Variants in SLC24A2 observed in about 807,000 individuals in gnomAD.
SLC24A2 encodes solute carrier family 24 member 2.
Under a neutral mutation model 62.0 loss-of-function variants are expected in SLC24A2, and 36 were observed. The ratio of observed to expected loss-of-function variants is 0.58; its 90% CI spans 0.44 to 0.77. SLC24A2 has a LOEUF of 0.77. Ranked by LOEUF, SLC24A2 falls within the 30% of genes least tolerant of loss-of-function variation. The pLI is 0.00. For synonymous variants in SLC24A2, 358 were observed against 294.0 expected, an observed-to-expected ratio of 1.22 and a Z score of -2.23; for missense variants, 846 against 817.9, an observed-to-expected ratio of 1.03 and a Z score of -0.42.
chr9:19,720,623 T>A (rs997544385), intron 2 of SLC24A2, among the ~76,000 whole-genome samples: 4 of 151,634 alleles, frequency 2.6e-5, no homozygotes, highest in African/African-American at 9.7e-5. Context: ...AATGCTGGAG[T>A]CTTGGAGTCT....
At chr9:20,143,100 T>A in the SLC24A2 span, among the ~76,000 whole-genome samples, 1 of 152,214 alleles carries the variant, frequency 6.6e-6, no homozygotes, top group Non-Finnish European at 1.5e-5. Flanking sequence ...GTCTGCTGAT[T>A]CTAAAAATCT....
chr9:19,918,543 C>T, the SLC24A2 span, among the ~76,000 whole-genome samples: 106 of 152,230 alleles, frequency 7.0e-4, no homozygotes, highest in African/African-American at 2.4e-3. Flanking sequence ...CACCACTTCT[C>T]CCCCATGTCA....
the SLC24A2 span, among the ~76,000 whole-genome samples, chr9:19,799,898 C>A: frequency 6.6e-6 from 1 of 152,110 alleles, no homozygotes; most frequent in Non-Finnish European, 1.5e-5. Flanking sequence ...GAAATTTATT[C>A]CCTCACAGTT....
At chr9:19,784,364 A>G (rs1341216323) in intron 2 of SLC24A2, among the ~76,000 whole-genome samples, 10 of 152,238 alleles carry the variant, frequency 6.6e-5, no homozygotes, top group Admixed American at 6.5e-4. Context: ...TGTTGCCAAT[A>G]TAACATTCAG....
intron 7 of SLC24A2, among the ~76,000 whole-genome samples, chr9:19,551,951 T>G (rs1050766235): frequency 6.6e-6 from 1 of 152,206 alleles, no homozygotes; most frequent in African/African-American, 2.4e-5. Flanking sequence ...GTTCTTCTGC[T>G]TTGGGTATAT....
At chr9:20,019,131 AAGAAAGAAAGAAAG>A in the SLC24A2 span, among the ~76,000 whole-genome samples, 1 of 123,784 alleles carries the variant, frequency 8.1e-6, no homozygotes, top group African/African-American at 3.9e-5. Context: ...GAAAGAAAGA[AAGAAAGAAAGAAAG>A]AAAGAAAGAA....
chr9:19,956,050 C>T, the SLC24A2 span, among the ~76,000 whole-genome samples: 1 of 152,198 alleles, frequency 6.6e-6, no homozygotes. Flanking sequence ...ACATTAAGAA[C>T]TGGCTGCAGG....
the SLC24A2 span, among the ~76,000 whole-genome samples, chr9:20,197,290 C>T: frequency 6.6e-6 from 1 of 152,120 alleles, no homozygotes; most frequent in African/African-American, 2.4e-5. Context: ...TGTATATTCT[C>T]ACAATAGGAA....
chr9:20,123,559 T>C, the SLC24A2 span, among the ~76,000 whole-genome samples: 121 of 152,294 alleles, frequency 7.9e-4, no homozygotes, highest in Middle Eastern at 3.4e-3. Context: ...CTTATATGAA[T>C]GAGACTTTGA....
At chr9:20,190,792 T>C in the SLC24A2 span, among the ~76,000 whole-genome samples, 1 of 152,232 alleles carries the variant, frequency 6.6e-6, no homozygotes, top group African/African-American at 2.4e-5. Context: ...TTGTATGACT[T>C]CGGGAAAATT....
chr9:19,726,816 G>A (rs1053051003), intron 2 of SLC24A2, among the ~76,000 whole-genome samples: 2 of 152,276 alleles, frequency 1.3e-5, no homozygotes, highest in Non-Finnish European at 2.9e-5. Flanking sequence ...CATATTCAAC[G>A]TGATATACAC....
intron 2 of SLC24A2, among the ~76,000 whole-genome samples, chr9:19,653,663 C>A (rs1400011933): frequency 1.3e-5 from 2 of 152,130 alleles, no homozygotes; most frequent in African/African-American, 4.8e-5. Flanking sequence ...ACTTTTATTC[C>A]AAGTCCTGAC....
chr9:20,301,048 T>C, the SLC24A2 span, among the ~76,000 whole-genome samples: 8 of 152,118 alleles, frequency 5.3e-5, no homozygotes, highest in African/African-American at 1.9e-4. Flanking sequence ...ATGAGGGGAT[T>C]AAAAACTGGA....
chr9:20,173,439 CTCCT>C, the SLC24A2 span, among the ~76,000 whole-genome samples: 1 of 152,012 alleles, frequency 6.6e-6, no homozygotes, highest in Non-Finnish European at 1.5e-5. Context: ...ACCCTAAAGA[CTCCT>C]CCAAAAAGCT....
intron 2 of SLC24A2, among the ~76,000 whole-genome samples, chr9:19,680,056 C>A (rs576761646): frequency 6.6e-6 from 1 of 152,060 alleles, no homozygotes; most frequent in Admixed American, 6.6e-5. Flanking sequence ...ATGAATTTGG[C>A]AGCACATACT....
chr9:19,980,240 A>T, the SLC24A2 span, among the ~76,000 whole-genome samples: 1 of 152,300 alleles, frequency 6.6e-6, no homozygotes, highest in African/African-American at 2.4e-5. Flanking sequence ...TCAGCACCTG[A>T]GGTGGGGCAT....
chr9:19,743,422 G>A (rs376350254), intron 2 of SLC24A2, among the ~76,000 whole-genome samples: 7 of 152,172 alleles, frequency 4.6e-5, no homozygotes, highest in East Asian at 1.9e-4. Flanking sequence ...ATAATTTACC[G>A]TACTATAAGC....
At chr9:20,190,912 T>C in the SLC24A2 span, among the ~76,000 whole-genome samples, 2 of 152,210 alleles carry the variant, frequency 1.3e-5, no homozygotes, top group African/African-American at 2.4e-5. Context: ...AGTACAGTAC[T>C]TGGTACATAA....
chr9:19,677,705 T>C (rs570253175), intron 2 of SLC24A2, among the ~76,000 whole-genome samples: 1 of 151,972 alleles, frequency 6.6e-6, no homozygotes, highest in East Asian at 1.9e-4. Context: ...TACAAATACA[T>C]TTACATATCT....
Sources: allele counts gnomAD v4.1 joint callset (sites outside exome capture counted in the v4.1 genomes callset), GRCh38; gene constraint gnomAD v4.1.1; transcripts MANE v1.5; gene names NCBI Gene and HGNC (gene_info 2026-07-23, HGNC 2026-07-21).